The following BRINP3 variants were observed in gnomAD, a reference collection of about 807,000 sequenced individuals.
The protein encoded by BRINP3 is BMP/retinoic acid-inducible neural-specific protein 3.
In BRINP3, 19 loss-of-function variants were observed where a neutral mutation model predicts 71.0. The observed-to-expected ratio is 0.27, with a 90% confidence interval of 0.19 to 0.39. The LOEUF (loss-of-function observed/expected upper bound fraction) is 0.39. BRINP3 is among the 10% of genes least tolerant of loss of function. The pLI, the probability that BRINP3 is intolerant of heterozygous loss-of-function variation, is 1.00. For synonymous variants in BRINP3, 380 were observed against 337.7 expected (o/e 1.13, Z -1.37); for missense variants, 959 against 940.8 (o/e 1.02, Z -0.25).
Position 190,271,499 on chromosome 1 carries a change from T to C in BRINP3, c.428-6444A>G, listed in dbSNP as rs117093204. Among the ~76,000 whole-genome samples, 110 of 151,670 alleles carry C rather than the reference T, an allele frequency of 7.3e-4. 1 individual carries two copies. In the East Asian group the frequency reaches 0.02, roughly 28 times the overall value. ...TATTATTCTCTTTTATTCACCACTA[T>C]TATTCAGAGCTGCATAAATCAACTC... On this transcript the variant is annotated intron_variant, in intron 3 of 7. Transcript: ENST00000367462.
intron 4 of BRINP3, among the ~76,000 whole-genome samples, chr1:190,250,126 A>G (rs1016596056): frequency 3.3e-5 from 5 of 151,936 alleles, no homozygotes; most frequent in Non-Finnish European, 7.4e-5. Flanking sequence ...CTAGAGGGAA[A>G]AGCAGAAGCT....
chr1:190,362,453 T>A (rs912034103), intron 2 of BRINP3, among the ~76,000 whole-genome samples: 13 of 152,150 alleles, frequency 8.5e-5, no homozygotes, highest in Non-Finnish European at 1.5e-4. Context: ...AGCAAAATGT[T>A]AGGAATTTCT....
chr1:190,343,030 T>C (rs1334209339), intron 2 of BRINP3, among the ~76,000 whole-genome samples: 1 of 151,900 alleles, frequency 6.6e-6, no homozygotes, highest in African/African-American at 2.4e-5. Context: ...TAAACAGAAC[T>C]GCGGCATAGC....
intron 2 of BRINP3, among the ~76,000 whole-genome samples, chr1:190,380,883 T>A (rs1442153437): frequency 6.6e-6 from 1 of 152,190 alleles, no homozygotes; most frequent in African/African-American, 2.4e-5. Flanking sequence ...TAGGCTCATT[T>A]CTATCACACC....
chr1:190,466,355 A>G (rs1010560938), intron 1 of BRINP3, among the ~76,000 whole-genome samples: 35 of 151,762 alleles, frequency 2.3e-4, no homozygotes, highest in Non-Finnish European at 5.0e-4. Flanking sequence ...AACCAGGCAT[A>G]CAAGGTGAAA....
At chr1:190,403,473 A>C (rs1571961385) in intron 2 of BRINP3, among the ~76,000 whole-genome samples, 1 of 152,328 alleles carries the variant, frequency 6.6e-6, no homozygotes, top group South Asian at 2.1e-4. Context: ...AACATTATGT[A>C]TTGAAAAAGA....
At chr1:190,127,538 T>G (rs1435082599) in intron 7 of BRINP3, among the ~76,000 whole-genome samples, 2 of 151,872 alleles carry the variant, frequency 1.3e-5, no homozygotes, top group Non-Finnish European at 2.9e-5. Context: ...TTACATGAGT[T>G]TTTGTTACAC....
chr1:190,348,118 A>C (rs1352991399), intron 2 of BRINP3, among the ~76,000 whole-genome samples: 1 of 152,172 alleles, frequency 6.6e-6, no homozygotes, highest in Non-Finnish European at 1.5e-5. Flanking sequence ...AGGGAAGAGA[A>C]GCTTTTGTTC....
chr1:190,098,483 T>C lies in BRINP3; in HGVS notation c.1836A>G (p.Leu612=). 2 of 1,614,136 alleles carry C rather than the reference T, an allele frequency of 1.2e-6. No homozygotes were observed. The highest frequency in any genetic ancestry group is 1.7e-6 in the Non-Finnish European group (2 of 1,180,010). Residue 612 remains leucine, a synonymous_variant, in exon 8 of 8, where the codon TTA becomes TTG. Coordinates refer to ENST00000367462, the MANE Select transcript of BRINP3 (RefSeq NM_199051.3). ...DLPLQCYNWT[L]TLGNKWKTFF... is the part of the protein sequence containing the mutation. ...ATGTCTTCCATTTGTTCCCCAGAGTTAATGTCCAGTTATAACACTGCAGGG... is the reference window on the plus strand; with the variant it reads ...ATGTCTTCCATTTGTTCCCCAGAGTCAATGTCCAGTTATAACACTGCAGGG...
intron 7 of BRINP3, among the ~76,000 whole-genome samples, chr1:190,132,930 A>T (rs1654662724): frequency 6.6e-6 from 1 of 152,100 alleles, no homozygotes; most frequent in Non-Finnish European, 1.5e-5. Context: ...AAGCACTTTG[A>T]CAAGTCCACC....
intron 2 of BRINP3, among the ~76,000 whole-genome samples, chr1:190,375,966 C>T (rs1426225540): frequency 2.6e-5 from 4 of 151,704 alleles, no homozygotes; most frequent in Admixed American, 6.6e-5. Flanking sequence ...ATTAAAAAAT[C>T]ATCAGGCATA....
At chr1:190,260,612 C>G (rs1360842189) in intron 4 of BRINP3, among the ~76,000 whole-genome samples, 1 of 151,466 alleles carries the variant, frequency 6.6e-6, no homozygotes, top group Non-Finnish European at 1.5e-5. Context: ...CTGATTTTGC[C>G]CCCAAATAAC....
intron 2 of BRINP3, among the ~76,000 whole-genome samples, chr1:190,440,301 A>G (rs1042485556): frequency 1.3e-5 from 2 of 152,104 alleles, no homozygotes; most frequent in African/African-American, 4.8e-5. Context: ...AATTTTAGAA[A>G]TTAGAAAAAT....
At chr1:190,229,645 AACACACACACACACACACACAC>A (rs71794093) in intron 5 of BRINP3, among the ~76,000 whole-genome samples, 6 of 133,414 alleles carry the variant, frequency 4.5e-5, no homozygotes, top group East Asian at 4.6e-4. Flanking sequence ...AACAAAACAA[AACACACACACACACACACACAC>A]ACACACACAC....
rs570068168 is a variant in BRINP3 at position 190,455,497 on chromosome 1, G to A, written c.-50-557C>T. Among the ~76,000 whole-genome samples the A allele has an allele frequency of 1.6e-4, 25 of 152,174 alleles. No homozygotes were observed. The South Asian group carries it at 5.2e-3, about 32-fold the overall frequency. ...TGTATACCTATTATAGATATATATA[G>A]ATATAGAGACAGACACAGAGTGAGA... On this transcript the variant is annotated intron_variant, in intron 1 of 7. Coordinates refer to ENST00000367462, the MANE Select transcript of BRINP3 (RefSeq NM_199051.3).
intron 1 of BRINP3, among the ~76,000 whole-genome samples, chr1:190,463,311 T>A (rs1458360161): frequency 6.6e-6 from 1 of 151,684 alleles, no homozygotes; most frequent in African/African-American, 2.4e-5. Flanking sequence ...CATACAATTT[T>A]AATTAAAATC....
At chr1:190,387,036 G>GTA (rs1168543125) in intron 2 of BRINP3, among the ~76,000 whole-genome samples, 1 of 151,880 alleles carries the variant, frequency 6.6e-6, no homozygotes, top group Non-Finnish European at 1.5e-5. Context: ...CTGGGTAGAG[G>GTA]TTTCTAATCT....
rs141005142 is a variant in BRINP3 at position 190,189,294 on chromosome 1, A to G, written c.962-28404T>C. 5.0e-3 allele frequency among the ~76,000 whole-genome samples: 754 copies of G among 152,096 alleles called. 8 individuals are homozygous for G. The highest frequency in any genetic ancestry group is 0.016 in the African/African-American group (669 of 41,500). Reference sequence around the variant, plus strand: ...GTTTAGGGCTTTTCTTGGACAGGAGACTTTTTATTTTTGATTCAATTTCCT... The same window carrying G: ...GTTTAGGGCTTTTCTTGGACAGGAGGCTTTTTATTTTTGATTCAATTTCCT... On this transcript the variant is annotated intron_variant, in intron 6 of 7. Coordinates refer to ENST00000367462, the MANE Select transcript of BRINP3 (RefSeq NM_199051.3).
chr1:190,230,810 T>C (rs1657902021), intron 5 of BRINP3, among the ~76,000 whole-genome samples: 1 of 151,538 alleles, frequency 6.6e-6, no homozygotes. Flanking sequence ...CATATCTCTT[T>C]CCTCCAAGTC....
Sources: allele counts gnomAD v4.1 joint callset (sites outside exome capture counted in the v4.1 genomes callset), GRCh38; gene constraint gnomAD v4.1.1; transcripts MANE v1.5; gene names NCBI Gene and HGNC (gene_info 2026-07-23, HGNC 2026-07-21).